Variants in NAA35 observed in about 807,000 individuals in gnomAD.
NAA35 encodes the protein MAK10 homolog, amino-acid N-acetyltransferase subunit.
NAA35 carries 18 observed loss-of-function variants against 101.7 expected under a neutral mutation model. The observed-to-expected ratio is 0.18, with a 90% confidence interval of 0.12 to 0.26. The LOEUF (loss-of-function observed/expected upper bound fraction) is 0.26, where lower values mean the gene tolerates loss of function less well. NAA35 is among the 10% of genes least tolerant of loss of function. The pLI is 1.00. For synonymous variants in NAA35, 267 were observed against 273.1 expected, an observed-to-expected ratio of 0.98 and a Z score of 0.22; for missense variants, 601 against 886.8, an observed-to-expected ratio of 0.68 and a Z score of 4.09.
intron 12 of NAA35, among the ~76,000 whole-genome samples, chr9:85,996,972 TGGG>T (rs567405648): frequency 2.0e-5 from 3 of 151,508 alleles, no homozygotes; most frequent in Non-Finnish European, 4.4e-5. Context: ...TTTGTGGAGA[TGGG>T]GGCCTTGATC....
chr9:85,976,042 A>G (rs1481146942), intron 8 of NAA35, among the ~76,000 whole-genome samples: 1 of 152,168 alleles, frequency 6.6e-6, no homozygotes, highest in Non-Finnish European at 1.5e-5. Flanking sequence ...AATTCAGTGA[A>G]TTGAGCAGTT....
chr9:85,996,504 A>C lies in NAA35; in HGVS notation c.983A>C (p.Tyr328Ser). 6.2e-7 allele frequency: 1 copy of C among 1,604,868 alleles called. No homozygotes were observed. Among genetic ancestry groups the C allele is most frequent in the African/African-American group, 1.3e-5 (1 of 74,548 alleles). ...ATTAAAAGGGAAGAAATGGTGAACTATTTTGCAAGATTAATAGATAGAATA... is the reference window on the plus strand; with the variant it reads ...ATTAAAAGGGAAGAAATGGTGAACTCTTTTGCAAGATTAATAGATAGAATA... ...KIIKREEMVN[Y>S]FARLIDRIKT... The change falls in exon 12 of 23, where the codon TAT (tyrosine) becomes TCT (serine). Residue 328 changes from tyrosine (Y) to serine (S), a missense_variant. By Grantham distance (144) the Tyr-to-Ser change is moderately radical (BLOSUM62 -2). This residue lies in a region of NAA35 where 190 missense variants were observed against 223.1 expected (regional missense o/e 0.85). Coordinates refer to ENST00000361671, the MANE Select transcript of NAA35 (RefSeq NM_024635.4).
At chr9:86,014,010 G>T in intron 17 of NAA35, 113 bp downstream of exon 17, 2 of 871,840 alleles carry the variant, frequency 2.3e-6, no homozygotes, top group South Asian at 3.2e-5. Flanking sequence ...TTTAGTTGTG[G>T]GACAGTTGGA....
chr9:85,954,765 A>G (rs1317397325), intron 2 of NAA35, among the ~76,000 whole-genome samples: 3 of 152,130 alleles, frequency 2.0e-5, no homozygotes, highest in Non-Finnish European at 4.4e-5. Context: ...CTTTTGCATC[A>G]TTAGTACAGG....
chr9:86,018,775 A>G lies in NAA35; in HGVS notation c.1991A>G (p.Gln664Arg). ...ELYVAASKHF[Q>R]QAKMILENIP... ...TATGTGGCAGCTAGTAAGCACTTTC[A>G]ACAGGCAAAAATGATATTGGAAAAT... Residue 664 changes from glutamine to arginine, a missense_variant, in exon 21 of 23, where the codon CAA (glutamine) becomes CGA (arginine). This residue lies in a region of NAA35 where 90 missense variants were observed against 108.7 expected (regional missense o/e 0.83). Coordinates refer to ENST00000361671, the MANE Select transcript of NAA35 (RefSeq NM_024635.4). The G allele has an allele frequency of 6.2e-7, 1 of 1,614,148 alleles. No individual in the cohort carries two copies. The highest frequency in any genetic ancestry group is 8.5e-7 in the Non-Finnish European group (1 of 1,180,002).
Position 85,975,032 on chromosome 9 carries a change from A to G in NAA35, c.582A>G (p.Thr194=). The change falls in exon 7 of 23, where the codon ACA becomes ACG. Residue 194 remains threonine (T), a splice_region_variant and synonymous_variant. Transcript: ENST00000361671. ...MANSVTDLRV[T]GMLKDVEDDM... is the part of the protein sequence containing the mutation. The stretch of plus-strand genomic sequence containing the variant: ...ACAGTGTGACAGATCTTCGAGTTAC[A>G]GGTAAAATTATTTTTAAAGTTAATT... The G allele has an allele frequency of 3.7e-6, 6 of 1,612,462 alleles. No individual in the cohort carries two copies. Among genetic ancestry groups the G allele is most frequent in the Non-Finnish European group, 5.1e-6 (6 of 1,178,882 alleles).
At chr9:85,960,070 G>T (rs1007327130) in intron 5 of NAA35, among the ~76,000 whole-genome samples, 1 of 152,122 alleles carries the variant, frequency 6.6e-6, no homozygotes, top group South Asian at 2.1e-4. Context: ...TCTGGGTGAA[G>T]GGATATTTTC....
At chr9:86,001,560 G>T (rs911155036) in intron 12 of NAA35, among the ~76,000 whole-genome samples, 64 of 151,968 alleles carry the variant, frequency 4.2e-4, no homozygotes, top group African/African-American at 1.5e-3. Context: ...TAGGAATCTG[G>T]GTGCATATAT....
At chr9:85,956,076 G>A (rs531361832) in intron 2 of NAA35, among the ~76,000 whole-genome samples, 1 of 152,262 alleles carries the variant, frequency 6.6e-6, no homozygotes, top group East Asian at 1.9e-4. Flanking sequence ...TAAAAATGGG[G>A]TTGGTAATTC....
chr9:85,976,752 TCTGGTAGATAATA>T lies in NAA35; in HGVS notation c.678+18_678+30del. ...GAACTAGAAGTAATTGAACTTATTT[TCTGGTAGATAATA>T]TCAGAGAAGTCTACCTGTTAATGTT... is the stretch of plus-strand genomic sequence containing the variant. On this transcript the variant is annotated intron_variant, in intron 9 of 22. Coordinates refer to ENST00000361671, the MANE Select transcript of NAA35 (RefSeq NM_024635.4). The T allele has an allele frequency of 6.4e-7, 1 of 1,572,406 alleles. No homozygotes were observed. Among genetic ancestry groups the T allele is most frequent in the Non-Finnish European group, 8.7e-7 (1 of 1,155,148 alleles).
At chr9:85,952,025 C>G (rs1829040778) in intron 2 of NAA35, among the ~76,000 whole-genome samples, 1 of 152,262 alleles carries the variant, frequency 6.6e-6, no homozygotes, top group African/African-American at 2.4e-5. Context: ...GTTATCACTA[C>G]CAGTACAGAA....
chr9:85,977,355 T>A lies in NAA35; in HGVS notation c.679-8T>A. 6.2e-7 allele frequency: 1 copy of A among 1,607,046 alleles called. No individual in the cohort carries two copies. The highest frequency in any genetic ancestry group is 1.1e-5 in the South Asian group (1 of 90,850). Reference sequence around the variant, plus strand: ...CTTTTAACTTTTAGTCCTTTCTTGTTTTTTTAGCACCAACAATGTTTAGCA... The same window carrying A: ...CTTTTAACTTTTAGTCCTTTCTTGTATTTTTAGCACCAACAATGTTTAGCA... On this transcript the variant is annotated splice_region_variant and splice_polypyrimidine_tract_variant and intron_variant, in intron 9 of 22. Transcript: ENST00000361671.
Position 86,021,057 on chromosome 9 carries a change from A to G in NAA35, c.2118+88A>G, listed in dbSNP as rs116508785. 3.7e-3 allele frequency: 3,520 copies of G among 941,410 alleles called. 70 individuals are homozygous for G. The African/African-American group carries it at 0.048, about 13-fold the overall frequency. The allele number at this position is 941,410 out of a possible 1,614,324, so 58.3% of individuals were successfully genotyped here. ...ATAAGATGTGTAAATATTACAGGAA[A>G]AATTAAACCACTGAACAAAAATCAT... On this transcript the variant is annotated intron_variant, in intron 22 of 22. Transcript: ENST00000361671.
intron 15 of NAA35, among the ~76,000 whole-genome samples, chr9:86,010,344 A>G (rs1000379538): frequency 6.6e-6 from 1 of 151,962 alleles, no homozygotes; most frequent in Non-Finnish European, 1.5e-5. Flanking sequence ...CTTTCAGTGA[A>G]TAAATAAAAA....
intron 18 of NAA35, among the ~76,000 whole-genome samples, 200 bp from the exon 19 acceptor site, chr9:86,017,298 T>C (rs187697199): frequency 5.3e-5 from 8 of 152,360 alleles, no homozygotes; most frequent in Admixed American, 5.2e-4. Context: ...AATTTTATAG[T>C]ATTAGCTATT....
At chr9:86,004,968 G>T (rs1259350982) in intron 13 of NAA35, among the ~76,000 whole-genome samples, 1 of 152,042 alleles carries the variant, frequency 6.6e-6, no homozygotes, top group Non-Finnish European at 1.5e-5. Flanking sequence ...AAATAAAAGA[G>T]GCAAGAACAC....
At chr9:85,955,470 C>G (rs1037703966) in intron 2 of NAA35, among the ~76,000 whole-genome samples, 5 of 149,272 alleles carry the variant, frequency 3.3e-5, no homozygotes, top group Non-Finnish European at 5.9e-5. Context: ...TCACGCCATT[C>G]TCCTGCCTCA....
rs779996526 is a variant in NAA35, at chr9:86,018,817, A to G, written c.2033A>G (p.His678Arg). Residue 678 changes from histidine (H) to arginine (R), a missense_variant, in exon 21 of 23, where the codon CAT becomes CGT. Physicochemically the swap from His to Arg is conservative, Grantham distance 29. Transcript: ENST00000361671. Reference protein sequence around the residue: ...MILENIPNPDHEVNRILKVAK... With the variant: ...MILENIPNPDREVNRILKVAK... Reference sequence around the variant, plus strand: ...TTGGAAAATATTCCTAACCCGGACCATGAGGTGAGACTGGATTCACAGTAA... The same window carrying G: ...TTGGAAAATATTCCTAACCCGGACCGTGAGGTGAGACTGGATTCACAGTAA... 5.0e-6 allele frequency: 8 copies of G among 1,613,426 alleles called. No homozygotes were observed. Among genetic ancestry groups the G allele is most frequent in the Middle Eastern group, 1.7e-4 (1 of 6,056 alleles).
At position 86,024,924 on chromosome 9, in the gene NAA35, TGA is replaced by T. The variant is rs1491348277; in HGVS notation, c.*2967_*2968del. On this transcript the variant is annotated 3_prime_UTR_variant, in exon 23 of 23. Coordinates refer to ENST00000361671, the MANE Select transcript of NAA35 (RefSeq NM_024635.4). ...TCAGGGAGCTCCTAGAGTAAGGGAC[TGA>T]GATAGGTCCCAAGGAATAGACTTGG... Among the ~76,000 whole-genome samples, 2 of 151,938 alleles carry T rather than the reference TGA, an allele frequency of 1.3e-5. No homozygotes were observed. The highest frequency in any genetic ancestry group is 4.8e-5 in the African/African-American group (2 of 41,354).
Sources: allele counts gnomAD v4.1 joint callset (sites outside exome capture counted in the v4.1 genomes callset), GRCh38; gene constraint gnomAD v4.1.1; regional missense constraint gnomAD v4.1.1; transcripts MANE v1.5; gene names NCBI Gene and HGNC (gene_info 2026-07-23, HGNC 2026-07-21).